Variants in CELF2 observed in about 807,000 individuals in gnomAD.
CELF2 encodes CUGBP Elav-like family member 2, also known as CUG triplet repeat RNA-binding protein 2.
A neutral mutation model predicts 62.6 loss-of-function variants in CELF2; 8 were observed. That is an observed-to-expected ratio of 0.13 (90% CI 0.07 to 0.23). The LOEUF (loss-of-function observed/expected upper bound fraction) is 0.23. Among genes scored for constraint, CELF2 ranks in the 10% least tolerant of loss-of-function variants. The pLI is 1.00. For missense variants in CELF2, 333 were observed against 671.0 expected, an observed-to-expected ratio of 0.50 and a Z score of 5.56; for synonymous variants, 258 against 250.0, an observed-to-expected ratio of 1.03 and a Z score of -0.30.
At chr10:10,466,620 A>T in the CELF2 span, among the ~76,000 whole-genome samples, 1 of 152,086 alleles carries the variant, frequency 6.6e-6, no homozygotes, top group Admixed American at 6.6e-5. Context: ...TATAAGAAAA[A>T]ACCCAGCAGT....
chr10:10,859,580 G>A (rs1460686009), intron 1 of CELF2, among the ~76,000 whole-genome samples: 2 of 152,114 alleles, frequency 1.3e-5, no homozygotes, highest in Non-Finnish European at 2.9e-5. Flanking sequence ...ATGTTTTCCT[G>A]TTGATCTGTC....
At chr10:10,558,641 T>C in the CELF2 span, among the ~76,000 whole-genome samples, 2 of 152,236 alleles carry the variant, frequency 1.3e-5, no homozygotes, top group East Asian at 1.9e-4. Flanking sequence ...TCTGGTAGAA[T>C]TCGGCTGTGA....
intron 2 of CELF2, among the ~76,000 whole-genome samples, chr10:11,195,090 G>A (rs1443197867): frequency 6.6e-6 from 1 of 152,188 alleles, no homozygotes; most frequent in Non-Finnish European, 1.5e-5. Flanking sequence ...TTTGGAAGCT[G>A]TAGAAATCTA....
At chr10:10,942,693 C>G (rs920186281) in intron 2 of CELF2, among the ~76,000 whole-genome samples, 2 of 152,134 alleles carry the variant, frequency 1.3e-5, no homozygotes, top group African/African-American at 4.8e-5. Context: ...GACATGAATA[C>G]CAAGAGGTAG....
chr10:11,243,606 G>C lies in CELF2; in HGVS notation c.355-5547G>C, dbSNP rs912746891. 6.6e-6 allele frequency among the ~76,000 whole-genome samples: 1 copy of C among 152,204 alleles called. No individual in the cohort carries two copies. The highest frequency in any genetic ancestry group is 2.4e-5 in the African/African-American group (1 of 41,460). On this transcript the variant is annotated intron_variant, in intron 3 of 12. Transcript: ENST00000633077. This position sits in a 1 kb window ranked among gnomAD's most constrained non-coding sequence, Gnocchi z 4.1. ...TTCCAGGCTTGCTGCAAGTGCAGCTGAGATGAACATAAGTAATAGACTCAT... is the reference window on the plus strand; with the variant it reads ...TTCCAGGCTTGCTGCAAGTGCAGCTCAGATGAACATAAGTAATAGACTCAT...
chr10:10,706,710 G>A, the CELF2 span, among the ~76,000 whole-genome samples: 1 of 152,156 alleles, frequency 6.6e-6, no homozygotes, highest in Non-Finnish European at 1.5e-5. Flanking sequence ...GAACTCAAGT[G>A]AATTGTCAAA....
intron 1 of CELF2, among the ~76,000 whole-genome samples, chr10:10,853,639 A>C (rs2059528492): frequency 6.6e-6 from 1 of 151,356 alleles, no homozygotes; most frequent in Non-Finnish European, 1.5e-5. Flanking sequence ...AAAGTCCAAT[A>C]GAAAAAAAAA....
At chr10:11,031,363 G>A (rs997742263) in intron 1 of CELF2, among the ~76,000 whole-genome samples, 7 of 152,148 alleles carry the variant, frequency 4.6e-5, no homozygotes, top group Non-Finnish European at 7.3e-5. Context: ...TCCATTTCAA[G>A]GATCATTACA....
intron 8 of CELF2, among the ~76,000 whole-genome samples, chr10:11,276,365 T>G (rs1024385059): frequency 3.9e-5 from 6 of 152,370 alleles, no homozygotes; most frequent in Admixed American, 1.3e-4. Flanking sequence ...AACATAGCTT[T>G]TGGATTATTA....
chr10:10,660,455 A>T, the CELF2 span, among the ~76,000 whole-genome samples: 2 of 152,172 alleles, frequency 1.3e-5, no homozygotes, highest in African/African-American at 4.8e-5. Flanking sequence ...GTGGGTGTTT[A>T]TTCCAACCAC....
chr10:11,269,772 C>A lies in CELF2; in HGVS notation c.619-894C>A. On this transcript the variant is annotated intron_variant, in intron 6 of 12. Transcript: ENST00000633077. This position sits in a 1 kb window ranked among gnomAD's most constrained non-coding sequence, Gnocchi z 4.4. ...GCTTGGGGTGTTAGGCCCTTATTAT[C>A]CCTGATGATTTTATCTAGCTCAGTA... Among the ~76,000 whole-genome samples the A allele has an allele frequency of 6.6e-6, 1 of 152,126 alleles. No homozygotes were observed. The highest frequency in any genetic ancestry group is 1.5e-5 in the Non-Finnish European group (1 of 68,026).
chr10:10,827,288 T>G (rs914302298), intron 1 of CELF2, among the ~76,000 whole-genome samples: 1 of 152,196 alleles, frequency 6.6e-6, no homozygotes, highest in African/African-American at 2.4e-5. Context: ...AATGGGGTAC[T>G]CAGGGATTTT....
At chr10:10,962,193 C>G (rs1407716297) in intron 2 of CELF2, among the ~76,000 whole-genome samples, 2 of 152,190 alleles carry the variant, frequency 1.3e-5, no homozygotes, top group African/African-American at 2.4e-5. Flanking sequence ...GCTCTCCTCT[C>G]TCATTTTCTC....
chr10:10,856,101 A>T (rs2059689056), intron 1 of CELF2, among the ~76,000 whole-genome samples: 1 of 152,170 alleles, frequency 6.6e-6, no homozygotes, highest in Non-Finnish European at 1.5e-5. Flanking sequence ...TGCAAGACTG[A>T]GTGAGCCAGA....
At chr10:10,596,602 C>A in the CELF2 span, among the ~76,000 whole-genome samples, 1 of 152,178 alleles carries the variant, frequency 6.6e-6, no homozygotes, top group African/African-American at 2.4e-5. Context: ...AGTTTGTGGT[C>A]TTCTGGAAAC....
chr10:10,662,021 G>C, the CELF2 span, among the ~76,000 whole-genome samples: 5 of 152,036 alleles, frequency 3.3e-5, no homozygotes, highest in Admixed American at 3.3e-4. Flanking sequence ...GGATGAGGAG[G>C]CTCCTGGAGA....
intron 2 of CELF2, among the ~76,000 whole-genome samples, chr10:10,921,543 C>T (rs576543267): frequency 1.3e-5 from 2 of 152,342 alleles, no homozygotes; most frequent in South Asian, 4.1e-4. Context: ...GCTGGGATTA[C>T]AGGTGTGAGC....
chr10:11,048,227 A>G (rs949811798), intron 1 of CELF2, among the ~76,000 whole-genome samples: 3 of 152,250 alleles, frequency 2.0e-5, no homozygotes, highest in African/African-American at 7.2e-5. Context: ...GTCAAAGGAA[A>G]GAGGGAGAGT....
chr10:10,870,732 A>G (rs2060684643), intron 1 of CELF2, among the ~76,000 whole-genome samples: 1 of 152,096 alleles, frequency 6.6e-6, no homozygotes, highest in African/African-American at 2.4e-5. Context: ...GTGGTCTTTA[A>G]CCCACCGCCC....
Sources: gnomAD v4.1 joint callset for allele counts (sites outside exome capture counted in the v4.1 genomes callset) on GRCh38, gnomAD v4.1.1 for gene constraint, Gnocchi (gnomAD v3.1) non-coding constraint, MANE v1.5 for transcripts, NCBI Gene and HGNC (gene_info 2026-07-23, HGNC 2026-07-21) for gene names.